Variants in SYTL5 observed in about 807,000 individuals in gnomAD.
SYTL5 encodes the protein synaptotagmin-like protein 5.
A neutral mutation model predicts 55.9 loss-of-function variants in SYTL5; 34 were observed. The observed-to-expected ratio is 0.61, with a 90% CI of 0.46 to 0.81. The LOEUF (loss-of-function observed/expected upper bound fraction) is 0.81. SYTL5 is among the 30% of genes least tolerant of loss of function. The pLI is 0.00. For missense variants in SYTL5, 637 were observed against 546.7 expected (o/e 1.17, Z -1.65); for synonymous variants, 221 against 188.7 (o/e 1.17, Z -1.40).
chrX:38,076,988 T>C (rs1439287594), intron 6 of SYTL5, among the ~76,000 whole-genome samples: 1 of 112,322 alleles, frequency 8.9e-6, no homozygotes, highest in Non-Finnish European at 1.9e-5. Context: ...TAAATGTTTT[T>C]CATTGACTTC....
the SYTL5 span, among the ~76,000 whole-genome samples, chrX:37,915,045 T>C: frequency 1.8e-4 from 20 of 111,872 alleles, no homozygotes; most frequent in East Asian, 5.0e-3. Flanking sequence ...GATTCTTCTA[T>C]ATGTCCTGAA....
chrX:38,092,489 G>A (rs920989222), intron 7 of SYTL5, among the ~76,000 whole-genome samples: 1 of 111,661 alleles, frequency 9.0e-6, no homozygotes, highest in African/African-American at 3.3e-5. Flanking sequence ...CCCGGAGTCT[G>A]ATGTCCAAAG....
chrX:38,112,892 G>T (rs775632470), intron 13 of SYTL5, among the ~76,000 whole-genome samples: 1 of 112,228 alleles, frequency 8.9e-6, no homozygotes, highest in East Asian at 2.8e-4. Context: ...TTATGCAGTC[G>T]AGAAGGTGAA....
the SYTL5 span, among the ~76,000 whole-genome samples, chrX:37,958,957 G>A: frequency 4.5e-5 from 5 of 112,301 alleles, no homozygotes; most frequent in Admixed American, 1.9e-4. Flanking sequence ...TGGGAGGGGG[G>A]GTTGGAATCT....
At chrX:37,992,033 G>A in the SYTL5 span, among the ~76,000 whole-genome samples, 2 of 112,076 alleles carry the variant, frequency 1.8e-5, no homozygotes, top group Non-Finnish European at 3.8e-5. Context: ...TAATGAATCA[G>A]CTTAATTATA....
At chrX:37,981,347 G>C in the SYTL5 span, among the ~76,000 whole-genome samples, 1 of 111,607 alleles carries the variant, frequency 9.0e-6, no homozygotes, top group African/African-American at 3.3e-5. Context: ...CTAGGCTAGA[G>C]TGCAGTGGCG....
At chrX:37,913,113 G>A in the SYTL5 span, among the ~76,000 whole-genome samples, 3 of 111,653 alleles carry the variant, frequency 2.7e-5, no homozygotes, top group Non-Finnish European at 5.7e-5. Flanking sequence ...GATGCCTGGA[G>A]CCATCTTGGA....
intron 13 of SYTL5, 139 bp downstream of exon 13, chrX:38,110,621 T>C (rs1033325516): frequency 7.0e-6 from 3 of 427,212 alleles, no homozygotes; most frequent in Non-Finnish European, 1.1e-5. Context: ...AATTTTGGAA[T>C]AATATTATAA....
chrX:37,927,825 T>C, the SYTL5 span, among the ~76,000 whole-genome samples: 2 of 111,477 alleles, frequency 1.8e-5, no homozygotes, highest in African/African-American at 6.5e-5. Flanking sequence ...AATTCACAGA[T>C]ACTCCTTCTG....
At chrX:37,915,189 G>T in the SYTL5 span, among the ~76,000 whole-genome samples, 2 of 111,106 alleles carry the variant, frequency 1.8e-5, no homozygotes, top group East Asian at 5.6e-4. Context: ...GGCGTGTGTT[G>T]GGTAAAATGG....
At chrX:38,005,117 G>A (rs1180623210), upstream of SYTL5, among the ~76,000 whole-genome samples, 1 of 111,137 alleles carries the variant, frequency 9.0e-6, no homozygotes, top group Non-Finnish European at 1.9e-5. Flanking sequence ...AGATCTGCAG[G>A]GGAGACAGAA....
At chrX:37,916,647 T>G in the SYTL5 span, among the ~76,000 whole-genome samples, 1 of 112,404 alleles carries the variant, frequency 8.9e-6, no homozygotes, top group Non-Finnish European at 1.9e-5. Flanking sequence ...GTTGAATGAC[T>G]GATTGATTTT....
At chrX:37,995,140 G>A in the SYTL5 span, among the ~76,000 whole-genome samples, 3 of 110,609 alleles carry the variant, frequency 2.7e-5, no homozygotes, top group African/African-American at 9.9e-5. Flanking sequence ...TCTCTGAACA[G>A]GAAGGCCTTG....
the SYTL5 span, among the ~76,000 whole-genome samples, chrX:37,964,140 G>A: frequency 9.0e-6 from 1 of 111,193 alleles, no homozygotes; most frequent in Non-Finnish European, 1.9e-5. Context: ...CTTAGGAATG[G>A]GGTTAGTGCC....
At chrX:38,095,129 G>A (rs906195738) in intron 8 of SYTL5, among the ~76,000 whole-genome samples, 1 of 111,862 alleles carries the variant, frequency 8.9e-6, no homozygotes, top group Non-Finnish European at 1.9e-5. Context: ...GCCTAAGGCA[G>A]GATTCTGTTT....
At chrX:37,969,123 G>C in the SYTL5 span, among the ~76,000 whole-genome samples, 1 of 110,896 alleles carries the variant, frequency 9.0e-6, no homozygotes, top group East Asian at 2.8e-4. Context: ...CTTTTAAATA[G>C]ATCTTTAAGC....
chrX:38,072,244 A>T, intron 4 of SYTL5, 82 bp downstream of exon 4: 1 of 717,350 alleles, frequency 1.4e-6, no homozygotes. Context: ...TTATGTAGTT[A>T]ATCAGCATAA....
At chrX:38,105,370 A>T (rs778433124) in intron 10 of SYTL5, among the ~76,000 whole-genome samples, 1 of 113,074 alleles carries the variant, frequency 8.8e-6, no homozygotes, top group South Asian at 3.7e-4. Flanking sequence ...GTTTTGTTTT[A>T]TACATTTTAG....
chrX:37,933,399 A>T, the SYTL5 span, among the ~76,000 whole-genome samples: 2 of 111,265 alleles, frequency 1.8e-5, no homozygotes, highest in Non-Finnish European at 3.8e-5. Flanking sequence ...ATAGCCTACA[A>T]TCAGTGAAAA....
Sources: allele counts gnomAD v4.1 joint callset (sites outside exome capture counted in the v4.1 genomes callset), GRCh38; gene constraint gnomAD v4.1.1; transcripts MANE v1.5; gene names NCBI Gene and HGNC (gene_info 2026-07-23, HGNC 2026-07-21).